The following DISC1 variants were observed in gnomAD, a reference collection of about 807,000 sequenced individuals.
DISC1 encodes the protein DISC1 scaffold protein, also known as disrupted in schizophrenia 1 protein.
A neutral mutation model predicts 84.5 loss-of-function variants in DISC1; 57 were observed. That is an observed-to-expected ratio of 0.67 (90% confidence interval 0.55 to 0.84). The LOEUF (loss-of-function observed/expected upper bound fraction) is 0.84, where lower values mean the gene tolerates loss of function less well. DISC1 is among the 40% of genes least tolerant of loss of function. The probability of loss-of-function intolerance (pLI) is 0.00; values close to 1 mark genes in which losing one functional copy is unlikely to be tolerated. For synonymous variants in DISC1, 411 were observed against 415.2 expected, an observed-to-expected ratio of 0.99 and a Z score of 0.12; for missense variants, 1,000 against 1,057.8, an observed-to-expected ratio of 0.95 and a Z score of 0.76.
chr1:231,793,604 C>T (rs1425794315), intron 6 of DISC1, among the ~76,000 whole-genome samples: 1 of 152,186 alleles, frequency 6.6e-6, no homozygotes, highest in African/African-American at 2.4e-5. Context: ...CTGAAGAGGC[C>T]TGTCTGGTTT....
At chr1:231,938,684 A>C (rs2091123411) in intron 9 of DISC1, among the ~76,000 whole-genome samples, 1 of 152,158 alleles carries the variant, frequency 6.6e-6, no homozygotes, top group South Asian at 2.1e-4. Flanking sequence ...TAATCTGCTA[A>C]ATGTGTGGCA....
At chr1:231,757,725 G>C (rs937806873) in intron 4 of DISC1, among the ~76,000 whole-genome samples, 2 of 152,114 alleles carry the variant, frequency 1.3e-5, no homozygotes, top group Non-Finnish European at 2.9e-5. Flanking sequence ...CACAACAAAT[G>C]GTATATGCTC....
At chr1:231,809,116 GC>G (rs2080015779) in intron 8 of DISC1, among the ~76,000 whole-genome samples, 1 of 152,224 alleles carries the variant, frequency 6.6e-6, no homozygotes, top group Non-Finnish European at 1.5e-5. Flanking sequence ...GAAGCAGGGA[GC>G]CCAGTCTGCT....
At chr1:231,805,724 C>T (rs1188268654) in intron 8 of DISC1, among the ~76,000 whole-genome samples, 1 of 152,164 alleles carries the variant, frequency 6.6e-6, no homozygotes, top group African/African-American at 2.4e-5. Context: ...TCACCTTCCA[C>T]CGGGCCCCAC....
At chr1:231,652,777 T>C (rs1233849668) in intron 1 of DISC1, among the ~76,000 whole-genome samples, 1 of 152,180 alleles carries the variant, frequency 6.6e-6, no homozygotes, top group African/African-American at 2.4e-5. Flanking sequence ...TACACTGTTA[T>C]TTCTTTCTTC....
chr1:232,025,598 T>C lies in DISC1; in HGVS notation c.2308-837T>C, dbSNP rs1284169191. ...GCAAAAAGACATCATCATCCTGCTC[T>C]TTTTTTTTTTTTTTTTGAGACGGAG... is the stretch of plus-strand genomic sequence containing the variant. On this transcript the variant is annotated intron_variant, in intron 11 of 12. Transcript: ENST00000439617. Among the ~76,000 whole-genome samples, 3 of 33,606 alleles carry C rather than the reference T, an allele frequency of 8.9e-5. No individual in the cohort carries two copies. In the East Asian group the frequency reaches 2.4e-3, roughly 27 times the overall value. 22.0% of individuals were successfully genotyped at this position (33,606 alleles called of 152,430 possible). A position where few individuals can be genotyped will look rare whatever the true frequency, so the allele number is the denominator to read the frequency against.
At chr1:231,678,531 A>G (rs1434722921) in intron 1 of DISC1, among the ~76,000 whole-genome samples, 2 of 152,182 alleles carry the variant, frequency 1.3e-5, no homozygotes, top group Non-Finnish European at 2.9e-5. Context: ...CATGGAAGAT[A>G]TTAGAATGAA....
At position 231,955,491 on chromosome 1, in the gene DISC1, T is replaced by A. The variant is rs866866784; in HGVS notation, c.1982-3337T>A. Among the ~76,000 whole-genome samples, 469 of 151,258 alleles carry A rather than the reference T, an allele frequency of 3.1e-3. 3 individuals carry two copies. The highest frequency in any genetic ancestry group is 0.01 in the Middle Eastern group (3 of 292). ...AAATCTGTAGTCATTCTTGACTTTT[T>A]TTTTTTTTTTTTTGGAAACAGAGTT... On this transcript the variant is annotated intron_variant, in intron 9 of 12. Coordinates refer to ENST00000439617, the MANE Select transcript of DISC1 (RefSeq NM_018662.3).
At chr1:231,791,620 T>C (rs2078359213) in intron 6 of DISC1, among the ~76,000 whole-genome samples, 1 of 152,232 alleles carries the variant, frequency 6.6e-6, no homozygotes, top group Non-Finnish European at 1.5e-5. Flanking sequence ...CTGGTGTGTT[T>C]CTGAAAATGT....
intron 9 of DISC1, among the ~76,000 whole-genome samples, chr1:231,930,576 G>C (rs1201688653): frequency 2.0e-5 from 3 of 152,090 alleles, no homozygotes; most frequent in Admixed American, 6.6e-5. Flanking sequence ...GGAGCCTCTG[G>C]AGCAGCCCTC....
chr1:231,780,758 C>G (rs1487308511), intron 6 of DISC1, among the ~76,000 whole-genome samples: 1 of 87,252 alleles, frequency 1.1e-5, no homozygotes, highest in African/African-American at 4.5e-5. Flanking sequence ...TTGGAACCAA[C>G]CCAGATGTCC....
At position 232,002,616 on chromosome 1, in the gene DISC1, C is replaced by T. The variant is rs532175991; in HGVS notation, c.2043-6169C>T. ...CTGAGCACACACACACACACACACA[C>T]ACACACACACACACACACACACAAA... On this transcript the variant is annotated intron_variant, in intron 10 of 12. Transcript: ENST00000439617. 1.0e-4 allele frequency among the ~76,000 whole-genome samples: 15 copies of T among 148,840 alleles called. No homozygotes were observed. In the East Asian group the frequency reaches 2.9e-3, roughly 29 times the overall value.
rs193009387 is a variant in DISC1 at position 231,784,704 on chromosome 1, G to A, written c.1635-10538G>A. 2.5e-3 allele frequency among the ~76,000 whole-genome samples: 387 copies of A among 152,242 alleles called. 1 individual carries two copies. The highest frequency in any genetic ancestry group is 8.7e-3 in the African/African-American group (363 of 41,530). ...TGATCCTCAAAAGATGAGCTAGTTG[G>A]TGAGCACGAAGGTGAGTGTCTGGCT... On this transcript the variant is annotated intron_variant, in intron 6 of 12. Transcript: ENST00000439617.
intron 3 of DISC1, among the ~76,000 whole-genome samples, chr1:231,704,434 T>C (rs1208174009): frequency 6.6e-6 from 1 of 152,080 alleles, no homozygotes; most frequent in East Asian, 1.9e-4. Context: ...TAATGTACTG[T>C]GAATAACCTG....
rs114000735 is a variant in DISC1 at position 231,666,504 on chromosome 1, C to T, written c.68-27322C>T. 9.2e-3 allele frequency among the ~76,000 whole-genome samples: 1,394 copies of T among 152,212 alleles called. 26 individuals carry two copies. The highest frequency in any genetic ancestry group is 0.032 in the African/African-American group (1,345 of 41,516). On this transcript the variant is annotated intron_variant, in intron 1 of 12. Coordinates refer to ENST00000439617, the MANE Select transcript of DISC1 (RefSeq NM_018662.3). Reference sequence around the variant, plus strand: ...TGACAATCAGTGTCAGCTAAGAAACCCTTAGCAAATACCTAATCTCATTTT... The same window carrying T: ...TGACAATCAGTGTCAGCTAAGAAACTCTTAGCAAATACCTAATCTCATTTT...
chr1:231,842,740 C>T (rs1019873249), intron 9 of DISC1, among the ~76,000 whole-genome samples: 2 of 152,090 alleles, frequency 1.3e-5, no homozygotes, highest in Non-Finnish European at 2.9e-5. Context: ...GCCTCACTTT[C>T]CCCCTCATTC....
intron 9 of DISC1, among the ~76,000 whole-genome samples, chr1:231,950,805 T>A (rs1243587575): frequency 6.6e-6 from 1 of 152,200 alleles, no homozygotes; most frequent in Non-Finnish European, 1.5e-5. Flanking sequence ...CAAACATTTT[T>A]AAACCTGGTG....
intron 2 of DISC1, among the ~76,000 whole-genome samples, chr1:231,695,672 G>T (rs2065589743): frequency 6.6e-6 from 1 of 151,874 alleles, no homozygotes; most frequent in Non-Finnish European, 1.5e-5. Context: ...GTGTGTGTGT[G>T]CATGCATGTG....
At chr1:231,888,206 T>C (rs2086914864) in intron 9 of DISC1, among the ~76,000 whole-genome samples, 1 of 152,122 alleles carries the variant, frequency 6.6e-6, no homozygotes, top group South Asian at 2.1e-4. Flanking sequence ...GGAGTTCTTA[T>C]GCGATAGTGG....
Sources: gnomAD v4.1 joint callset for allele counts (sites outside exome capture counted in the v4.1 genomes callset) on GRCh38, gnomAD v4.1.1 for gene constraint, MANE v1.5 for transcripts, NCBI Gene and HGNC (gene_info 2026-07-23, HGNC 2026-07-21) for gene names.